ALG14: variants seen among roughly 807,000 people sequenced by gnomAD.
ALG14 encodes UDP-N-acetylglucosamine transferase subunit ALG14.
In ALG14, 17 loss-of-function variants were observed where a neutral mutation model predicts 22.8. That is an observed-to-expected ratio of 0.75 (90% confidence interval 0.51 to 1.12). The LOEUF is 1.12. Among genes scored for constraint, ALG14 ranks in the 50% most tolerant of loss-of-function variants. The pLI, the probability that ALG14 is intolerant of heterozygous loss-of-function variation, is 0.00. For missense variants in ALG14, 288 were observed against 271.8 expected (o/e 1.06, Z -0.42); for synonymous variants, 89 against 103.7 (o/e 0.86, Z 0.86).
chr1:95,051,347 C>T (rs1357671333), intron 2 of ALG14, among the ~76,000 whole-genome samples: 2 of 152,166 alleles, frequency 1.3e-5, no homozygotes, highest in Admixed American at 1.3e-4. Context: ...CCTATCAGCT[C>T]TGACTTCAAA....
chr1:95,070,606 T>A (rs1675527608), intron 1 of ALG14, among the ~76,000 whole-genome samples: 1 of 152,240 alleles, frequency 6.6e-6, no homozygotes, highest in Admixed American at 6.5e-5. Context: ...AGACACCCAA[T>A]CTCACGCTTT....
intron 2 of ALG14, among the ~76,000 whole-genome samples, chr1:95,038,716 G>GTTTT (rs71097229): frequency 4.9e-5 from 6 of 121,486 alleles, no homozygotes; most frequent in Non-Finnish European, 6.8e-5. Flanking sequence ...AAACTATAAG[G>GTTTT]TTTTTTTTTT....
intron 3 of ALG14, among the ~76,000 whole-genome samples, chr1:94,993,827 C>T (rs1672840629): frequency 6.6e-6 from 1 of 152,164 alleles, no homozygotes; most frequent in Non-Finnish European, 1.5e-5. Flanking sequence ...GCTCCAAAAT[C>T]CCCTCTACAA....
intron 3 of ALG14, among the ~76,000 whole-genome samples, chr1:95,018,560 A>G (rs1296687629): frequency 6.6e-6 from 1 of 151,962 alleles, no homozygotes. Flanking sequence ...AAGACAAAAG[A>G]AAAAAGAAAA....
intron 2 of ALG14, among the ~76,000 whole-genome samples, chr1:95,048,017 C>T (rs1165388879): frequency 6.6e-6 from 1 of 152,062 alleles, no homozygotes; most frequent in Admixed American, 6.6e-5. Flanking sequence ...TTGGAATGAA[C>T]AGAAAAGAGC....
In ALG14 at chr1:94,975,370, T is replaced by C. The variant is rs183286592; in HGVS notation, c.*7706A>G. ...CGAGTAATATTCCACTATATGGATA[T>C]ACCACATTTTGTTTATCTGTTCATT... On this transcript the variant is annotated 3_prime_UTR_variant, in exon 4 of 4. Transcript: ENST00000370205. 2 of 152,390 alleles carry C rather than the reference T, an allele frequency of 1.3e-5. No homozygotes were observed. Among genetic ancestry groups the C allele is most frequent in the East Asian group, 3.9e-4 (2 of 5,192 alleles). 9.4% of individuals were successfully genotyped at this position (152,390 alleles called of 1,614,324 possible).
At chr1:95,039,406 C>T (rs950096101) in intron 2 of ALG14, among the ~76,000 whole-genome samples, 2 of 152,032 alleles carry the variant, frequency 1.3e-5, no homozygotes, top group African/African-American at 4.8e-5. Context: ...GAAGGCCTGA[C>T]GGCCAGCAGC....
intron 2 of ALG14, among the ~76,000 whole-genome samples, chr1:95,059,397 CAAAAAAAAAAAAA>C (rs67569341): frequency 0.21 from 16,567 of 79,144 alleles, 1,359 homozygotes; most frequent in South Asian, 0.3. Context: ...GACTCTGTCT[CAAAAAAAAAAAAA>C]AAAAAAAAAA....
At chr1:95,065,221 C>A (rs1675316280) in intron 1 of ALG14, among the ~76,000 whole-genome samples, 1 of 151,938 alleles carries the variant, frequency 6.6e-6, no homozygotes, top group African/African-American at 2.4e-5. Flanking sequence ...GCAGATAATA[C>A]ATGTATAAAA....
At chr1:95,012,781 G>C (rs1268342490) in intron 3 of ALG14, among the ~76,000 whole-genome samples, 1 of 152,130 alleles carries the variant, frequency 6.6e-6, no homozygotes, top group Non-Finnish European at 1.5e-5. Context: ...GATATCACAG[G>C]AAAAGTATAA....
chr1:95,047,650 T>C (rs1674606499), intron 2 of ALG14, among the ~76,000 whole-genome samples: 1 of 152,162 alleles, frequency 6.6e-6, no homozygotes, highest in African/African-American at 2.4e-5. Flanking sequence ...GGCCTGTTTT[T>C]TTGCATATTT....
chr1:94,986,268 G>A (rs1046644176), intron 3 of ALG14, among the ~76,000 whole-genome samples: 2 of 152,106 alleles, frequency 1.3e-5, no homozygotes, highest in African/African-American at 2.4e-5. Context: ...GGCAGAGTCC[G>A]CTTCTAGAAC....
At chr1:94,984,015 A>G (rs1672573795) in intron 3 of ALG14, among the ~76,000 whole-genome samples, 1 of 152,062 alleles carries the variant, frequency 6.6e-6, no homozygotes, top group Admixed American at 6.6e-5. Flanking sequence ...AAGTGCTGGG[A>G]TTACAGGCAT....
intron 3 of ALG14, among the ~76,000 whole-genome samples, chr1:95,001,880 C>T (rs1409455696): frequency 6.6e-6 from 1 of 152,118 alleles, no homozygotes; most frequent in African/African-American, 2.4e-5. Flanking sequence ...AAGCCAAATA[C>T]AAGGCATAAA....
intron 2 of ALG14, among the ~76,000 whole-genome samples, chr1:95,064,030 TC>T (rs1394329212): frequency 1.3e-5 from 2 of 152,194 alleles, no homozygotes; most frequent in Non-Finnish European, 2.9e-5. Flanking sequence ...GGTATTTTAT[TC>T]TTTTTGCAGT....
At chr1:95,038,033 T>A (rs1674254542) in intron 2 of ALG14, among the ~76,000 whole-genome samples, 1 of 152,172 alleles carries the variant, frequency 6.6e-6, no homozygotes, top group South Asian at 2.1e-4. Flanking sequence ...AATATAATGT[T>A]AGCACCAAGT....
chr1:95,020,665 G>C (rs1235458600), intron 3 of ALG14, among the ~76,000 whole-genome samples: 1 of 150,010 alleles, frequency 6.7e-6, no homozygotes, highest in African/African-American at 2.5e-5. Flanking sequence ...TTGAACCCAG[G>C]ATCCAGAGGT....
intron 2 of ALG14, among the ~76,000 whole-genome samples, chr1:95,047,006 C>T (rs946362240): frequency 2.0e-5 from 3 of 151,788 alleles, no homozygotes; most frequent in Non-Finnish European, 4.4e-5. Flanking sequence ...CATAACATAA[C>T]ATAACATAAC....
At chr1:95,071,348 C>G (rs1675556010) in intron 1 of ALG14, among the ~76,000 whole-genome samples, 1 of 152,024 alleles carries the variant, frequency 6.6e-6, no homozygotes, top group South Asian at 2.1e-4. Context: ...AGTTCAAGAC[C>G]AGCCTTGGTC....
Sources: allele counts gnomAD v4.1 joint callset (sites outside exome capture counted in the v4.1 genomes callset), GRCh38; gene constraint gnomAD v4.1.1; transcripts MANE v1.5; gene names NCBI Gene and HGNC (gene_info 2026-07-23, HGNC 2026-07-21).